The following DST variants were observed in gnomAD, a reference collection of about 807,000 sequenced individuals.
DST encodes dystonin.
Under a neutral mutation model 875.2 loss-of-function variants are expected in DST, and 253 were observed. The observed-to-expected ratio is 0.29, with a 90% CI of 0.26 to 0.32. The LOEUF is 0.32. DST is among the 10% of genes least tolerant of loss of function. The probability of loss-of-function intolerance (pLI) is 1.00; values close to 1 mark genes in which losing one functional copy is unlikely to be tolerated. For synonymous variants in DST, 3,124 were observed against 3,197.1 expected (o/e 0.98, Z 0.77); for missense variants, 8,287 against 9,111.6 (o/e 0.91, Z 3.68).
At chr6:56,533,276 C>A (rs912880563) in intron 63 of DST, among the ~76,000 whole-genome samples, 22 of 152,214 alleles carry the variant, frequency 1.4e-4, no homozygotes, top group Non-Finnish European at 5.9e-5. Flanking sequence ...TTGCTCTAAT[C>A]TAATCAAACA....
intron 102 of DST, chr6:56,461,186 T>G (rs771248936): frequency 6.6e-6 from 1 of 151,602 alleles, no homozygotes. Flanking sequence ...ATCTGATACA[T>G]GAGTTACTCT....
chr6:56,668,132 C>A (rs2099081388), intron 10 of DST, among the ~76,000 whole-genome samples: 2 of 152,130 alleles, frequency 1.3e-5, no homozygotes, highest in South Asian at 2.1e-4. Context: ...TGCACTGTTA[C>A]AAATACTTTA....
At chr6:56,770,194 G>A (rs2099647616) in intron 4 of DST, among the ~76,000 whole-genome samples, 1 of 152,108 alleles carries the variant, frequency 6.6e-6, no homozygotes, top group Admixed American at 6.5e-5. Context: ...TAGTAACCAG[G>A]AAACCATTAA....
intron 4 of DST, among the ~76,000 whole-genome samples, chr6:56,815,258 A>G (rs920175238): frequency 6.6e-6 from 1 of 152,222 alleles, no homozygotes; most frequent in African/African-American, 2.4e-5. Context: ...GGAGCTATAA[A>G]TAAGGCCAAT....
At chr6:56,796,896 T>C (rs1333218331) in intron 4 of DST, among the ~76,000 whole-genome samples, 1 of 152,148 alleles carries the variant, frequency 6.6e-6, no homozygotes, top group African/African-American at 2.4e-5. Context: ...AGTTTGCATA[T>C]TTTTCTAAAA....
At chr6:56,551,855 C>A (rs2097330463) in intron 61 of DST, among the ~76,000 whole-genome samples, 2 of 152,054 alleles carry the variant, frequency 1.3e-5, no homozygotes, top group African/African-American at 4.8e-5. Context: ...CAATAGAGTT[C>A]AAAACACAGC....
chr6:56,527,833 C>T, intron 67 of DST, 99 bp from the exon 68 acceptor site: 1 of 1,196,910 alleles, frequency 8.4e-7, no homozygotes, highest in Non-Finnish European at 1.1e-6. Flanking sequence ...TTCCACAGAA[C>T]AAAAGGAGAC....
At chr6:56,744,050 G>A (rs1470581050) in intron 4 of DST, among the ~76,000 whole-genome samples, 2 of 151,690 alleles carry the variant, frequency 1.3e-5, no homozygotes, top group Non-Finnish European at 2.9e-5. Context: ...TCAGGAGACT[G>A]AGGCAAGAGA....
chr6:56,536,496 T>C (rs1280579379), intron 62 of DST, among the ~76,000 whole-genome samples: 1 of 152,192 alleles, frequency 6.6e-6, no homozygotes, highest in Non-Finnish European at 1.5e-5. Flanking sequence ...CCTTTACAGA[T>C]GCATGTGCCC....
At chr6:56,910,411 C>G (rs536694640) in intron 2 of DST, among the ~76,000 whole-genome samples, 20 of 152,330 alleles carry the variant, frequency 1.3e-4, no homozygotes, top group African/African-American at 4.8e-4. Flanking sequence ...CCCACCTGAG[C>G]CTCCCAAAGT....
chr6:56,633,106 C>T lies in DST; in HGVS notation c.3622-69G>A. ...AGATTTGAATGGGAGACACTTCAAA[C>T]TGGTCGTGTGGTATATGCCAATCTA... is the stretch of plus-strand genomic sequence containing the variant. On this transcript the variant is annotated intron_variant, in intron 27 of 103. Transcript: ENST00000680361. 3.1e-6 allele frequency: 4 copies of T among 1,299,454 alleles called. No individual in the cohort carries two copies. The South Asian group carries it at 4.7e-5, about 15-fold the overall frequency. The allele number at this position is 1,299,454 out of a possible 1,614,324, so 80.5% of individuals were successfully genotyped here.
At chr6:56,681,827 C>T (rs1321106678) in intron 9 of DST, among the ~76,000 whole-genome samples, 1 of 152,124 alleles carries the variant, frequency 6.6e-6, no homozygotes, top group Non-Finnish European at 1.5e-5. Context: ...TTCTCTTGGT[C>T]ACTTCTGCTT....
intron 5 of DST, among the ~76,000 whole-genome samples, chr6:56,729,024 G>A (rs2099485233): frequency 6.6e-6 from 1 of 151,246 alleles, no homozygotes; most frequent in African/African-American, 2.4e-5. Flanking sequence ...GACTGGGGAA[G>A]GGAGAATAAT....
chr6:56,709,171 T>C (rs2099352601), intron 5 of DST, among the ~76,000 whole-genome samples: 1 of 152,176 alleles, frequency 6.6e-6, no homozygotes, highest in East Asian at 1.9e-4. Context: ...AAAATATGTA[T>C]ATAGCATTGC....
intron 9 of DST, among the ~76,000 whole-genome samples, chr6:56,695,800 C>G (rs749008665): frequency 1.3e-5 from 2 of 152,106 alleles, no homozygotes; most frequent in Non-Finnish European, 2.9e-5. Flanking sequence ...ATTTATGATG[C>G]TATAACAAAT....
At position 56,607,295 on chromosome 6, in the gene DST, T is replaced by A. The variant is rs1489668435; in HGVS notation, c.7333A>T (p.Met2445Leu). ...TCATTAAAACTTCCCTGACTGTGCA[T>A]CAATTTATCATGACTTAACAAGGCA... ...LSALLSHDKL[M>L]HSQGSFNDTH... Residue 2445 changes from methionine (M) to leucine (L), a missense_variant, in exon 40 of 104, where the codon ATG becomes TTG. By Grantham distance (15) the Met-to-Leu change is conservative. Transcript: ENST00000680361. The A allele has an allele frequency of 3.1e-6, 5 of 1,613,394 alleles. No homozygotes were observed. The African/African-American group carries it at 6.7e-5, about 22-fold the overall frequency.
At chr6:56,909,294 C>T (rs1797835467) in intron 2 of DST, among the ~76,000 whole-genome samples, 1 of 152,178 alleles carries the variant, frequency 6.6e-6, no homozygotes, top group Admixed American at 6.5e-5. Flanking sequence ...GTTTCCCAGC[C>T]TCCCCTGCAG....
At chr6:56,744,383 A>T (rs1365621633) in intron 4 of DST, among the ~76,000 whole-genome samples, 1 of 152,048 alleles carries the variant, frequency 6.6e-6, no homozygotes, top group Non-Finnish European at 1.5e-5. Flanking sequence ...TATCTCAAAA[A>T]AAAAAAAGGT....
At chr6:56,860,601 A>G (rs1001685290) in intron 3 of DST, among the ~76,000 whole-genome samples, 1 of 152,172 alleles carries the variant, frequency 6.6e-6, no homozygotes, top group African/African-American at 2.4e-5. Context: ...ACTACTGCTA[A>G]TGACTCCCTG....
Sources: gnomAD v4.1 joint callset for allele counts (sites outside exome capture counted in the v4.1 genomes callset) on GRCh38, gnomAD v4.1.1 for gene constraint, MANE v1.5 for transcripts, NCBI Gene and HGNC (gene_info 2026-07-23, HGNC 2026-07-21) for gene names.